OTOGL: variants seen among roughly 807,000 people sequenced by gnomAD.
OTOGL encodes the protein otogelin-like protein.
Under a neutral mutation model 318.5 loss-of-function variants are expected in OTOGL, and 285 were observed. The observed-to-expected ratio is 0.89, with a 90% CI of 0.81 to 0.99. The LOEUF is 0.99. Among genes scored for constraint, OTOGL ranks in the 50% least tolerant of loss-of-function variants. OTOGL has a pLI of 0.00. For missense variants in OTOGL, 2,899 were observed against 2,845.6 expected (o/e 1.02, Z -0.43); for synonymous variants, 987 against 936.5 (o/e 1.05, Z -0.99).
At chr12:80,121,608 T>C (rs1314402815) in intron 1 of OTOGL, among the ~76,000 whole-genome samples, 2 of 152,144 alleles carry the variant, frequency 1.3e-5, no homozygotes, top group East Asian at 3.8e-4. Flanking sequence ...TAATAGCAGT[T>C]TTGATTATCT....
chr12:80,336,394 C>A lies in OTOGL; in HGVS notation c.4601-19C>A. On this transcript the variant is annotated intron_variant, in intron 39 of 58. Coordinates refer to ENST00000547103, the MANE Select transcript of OTOGL (RefSeq NM_001378609.3). ...GCAGATAGTTAATAGACTAAATCCA[C>A]TTTCCACCATTTTTATAGGTCGGTG... 6.4e-7 allele frequency: 1 copy of A among 1,569,456 alleles called. No homozygotes were observed. Among genetic ancestry groups the A allele is most frequent in the East Asian group, 2.3e-5 (1 of 44,222 alleles).
chr12:80,279,149 CA>C lies in OTOGL; in HGVS notation c.2912del (p.Gln971ArgfsTer4), dbSNP rs771842347. 6.3e-7 allele frequency: 1 copy of C among 1,590,314 alleles called. No individual in the cohort carries two copies. On this transcript the variant is annotated frameshift_variant, in exon 26 of 59. Coordinates refer to ENST00000547103, the MANE Select transcript of OTOGL (RefSeq NM_001378609.3). LOFTEE classifies it high-confidence loss of function. ...AGAATATGACTATATCAGTGATTGC[CA>C]GGTGTTTTTGATAAAGGTAGGTCAC... Reference protein sequence around the residue: ...GLEYDYISDCQVFLIKSADDS... With the variant: ...GLEYDYISDCXVFLIKSADDS...
At chr12:80,284,980 A>C (rs770877338) in intron 26 of OTOGL, among the ~76,000 whole-genome samples, 1 of 152,098 alleles carries the variant, frequency 6.6e-6, no homozygotes, top group African/African-American at 2.4e-5. Flanking sequence ...GGTATTACCT[A>C]GGTTTTTTTC....
chr12:80,323,705 A>C lies in OTOGL; in HGVS notation c.4082-18A>C. The C allele has an allele frequency of 6.3e-7, 1 of 1,577,898 alleles. No individual in the cohort carries two copies. Among genetic ancestry groups the C allele is most frequent in the East Asian group, 2.2e-5 (1 of 44,674 alleles). ...ATGTATTAAATATGCACACAATCTA[A>C]ACTTTATTTTTTCCCAGAAATCCAG... is the stretch of plus-strand genomic sequence containing the variant. On this transcript the variant is annotated intron_variant, in intron 34 of 58. Transcript: ENST00000547103.
intron 35 of OTOGL, among the ~76,000 whole-genome samples, chr12:80,325,164 A>G (rs1887598056): frequency 6.6e-6 from 1 of 152,168 alleles, no homozygotes. Flanking sequence ...AAATGTTGCC[A>G]ATAGGTAAGA....
chr12:80,219,790 C>CTTTTTTTTTTTTTT, intron 5 of OTOGL, 24 bp from the exon 6 acceptor site: 2 of 1,201,524 alleles, frequency 1.7e-6, no homozygotes, highest in African/African-American at 3.1e-5. Flanking sequence ...CAGAAGATAA[C>CTTTTTTTTTTTTTT]TTTTTTTTTT....
At chr12:80,125,390 A>G (rs376914248) in intron 1 of OTOGL, among the ~76,000 whole-genome samples, 1 of 152,204 alleles carries the variant, frequency 6.6e-6, no homozygotes, top group Non-Finnish European at 1.5e-5. Context: ...GATGAAGCCC[A>G]CTTGATCATG....
In OTOGL at chr12:80,339,169, C is replaced by A; in HGVS notation, c.4955C>A (p.Ala1652Asp). ...TCAATGTATGTAATTACTACTCCAG[C>A]TGGACTAATCATAAAGTGGTCTCAT... ...SGSMYVITTP[A>D]GLIIKWSHLT... is the part of the protein sequence containing the mutation. Residue 1652 changes from alanine (A) to aspartate (D), a missense_variant, in exon 43 of 59, where the codon GCT becomes GAT. This residue lies in a region of OTOGL where 2,607 missense variants were observed against 2,524.9 expected (regional missense o/e 1.03). Coordinates refer to ENST00000547103, the MANE Select transcript of OTOGL (RefSeq NM_001378609.3). The A allele has an allele frequency of 6.2e-7, 1 of 1,610,882 alleles. No homozygotes were observed. The highest frequency in any genetic ancestry group is 1.1e-5 in the South Asian group (1 of 91,008).
At chr12:80,261,925 T>C (rs1303094212) in intron 18 of OTOGL, 44 bp from the exon 19 acceptor site, 10 of 1,587,598 alleles carry the variant, frequency 6.3e-6, no homozygotes, top group Non-Finnish European at 8.6e-6. Flanking sequence ...TATGAACAAA[T>C]GAATGAGAGA....
At chr12:80,135,249 C>G (rs578104424) in intron 1 of OTOGL, among the ~76,000 whole-genome samples, 2 of 75,548 alleles carry the variant, frequency 2.6e-5, no homozygotes, top group Non-Finnish European at 6.2e-5. Context: ...TTCTTGAGCC[C>G]CTCCCCTCCC....
chr12:80,143,343 G>A (rs73356929), intron 1 of OTOGL, among the ~76,000 whole-genome samples: 4,374 of 152,124 alleles, frequency 0.029, 207 homozygotes, highest in African/African-American at 0.099. Flanking sequence ...TCTGAATTTG[G>A]TTAGGGGATG....
chr12:80,158,296 T>A, intron 1 of OTOGL, among the ~76,000 whole-genome samples: 1 of 152,120 alleles, frequency 6.6e-6, no homozygotes, highest in Non-Finnish European at 1.5e-5. Context: ...GAAAATTTAA[T>A]ATATTTAACT....
rs1172080998 is a variant in OTOGL, at chr12:80,103,303, G to A, written c.-20+3698G>A. ...AAATGCCTTTTGCGATTCTTGCTTC[G>A]GTCGGAAGTCACAAAGGGATTAAAC... is the stretch of plus-strand genomic sequence containing the variant. On this transcript the variant is annotated intron_variant, in intron 1 of 58. Transcript: ENST00000547103. The A allele has an allele frequency of 3.8e-6, 6 of 1,591,462 alleles. No individual in the cohort carries two copies. The African/African-American group carries it at 4.0e-5, about 11-fold the overall frequency.
chr12:80,112,268 T>C (rs903172099), intron 1 of OTOGL, among the ~76,000 whole-genome samples: 1 of 152,332 alleles, frequency 6.6e-6, no homozygotes, highest in African/African-American at 2.4e-5. Flanking sequence ...TAGCCAGAAC[T>C]TCCAGTACTA....
At chr12:80,156,541 G>C (rs1873131182) in intron 1 of OTOGL, among the ~76,000 whole-genome samples, 1 of 152,200 alleles carries the variant, frequency 6.6e-6, no homozygotes, top group Non-Finnish European at 1.5e-5. Context: ...ATTCCCATGT[G>C]TTGTGGAAGG....
At chr12:80,123,860 C>A (rs1870640545) in intron 1 of OTOGL, among the ~76,000 whole-genome samples, 3 of 152,104 alleles carry the variant, frequency 2.0e-5, no homozygotes, top group Non-Finnish European at 4.4e-5. Flanking sequence ...CTGTTCATAT[C>A]CTTCGCCCAC....
chr12:80,181,630 AT>A (rs61577097), intron 1 of OTOGL, among the ~76,000 whole-genome samples: 66 of 147,274 alleles, frequency 4.5e-4, no homozygotes, highest in South Asian at 6.4e-4. Flanking sequence ...GAGGATCAAG[AT>A]TTTTTTTTTT....
At position 80,335,981 on chromosome 12, in the gene OTOGL, G is replaced by A. The variant is rs1226344213; in HGVS notation, c.4441G>A (p.Val1481Ile). The stretch of plus-strand genomic sequence containing the variant: ...TTAACAGCCTCAGAAATTTGATCCT[G>A]TTTATGATTGTAGCCAATACATATG... ...LECEPQKFDP[V>I]YDCSQYICLN... Residue 1481 changes from valine to isoleucine, a missense_variant, in exon 39 of 59, where the codon GTT becomes ATT. Physicochemically the swap from Val to Ile is conservative, Grantham distance 29. Transcript: ENST00000547103. 6.3e-7 allele frequency: 1 copy of A among 1,580,228 alleles called. No individual in the cohort carries two copies. Among genetic ancestry groups the A allele is most frequent in the Non-Finnish European group, 8.5e-7 (1 of 1,171,180 alleles).
intron 1 of OTOGL, among the ~76,000 whole-genome samples, chr12:80,114,276 C>T (rs1338931650): frequency 1.3e-5 from 2 of 152,022 alleles, no homozygotes; most frequent in East Asian, 1.9e-4. Context: ...ATATTTAGTG[C>T]TTCCTTCAGG....
Sources: gnomAD v4.1 joint callset for allele counts (sites outside exome capture counted in the v4.1 genomes callset) on GRCh38, gnomAD v4.1.1 for gene constraint, gnomAD v4.1.1 regional missense constraint, MANE v1.5 for transcripts, NCBI Gene and HGNC (gene_info 2026-07-23, HGNC 2026-07-21) for gene names.